Variants in PRDM15 observed in about 807,000 individuals in gnomAD.
PRDM15 encodes the protein PR domain zinc finger protein 15.
In PRDM15, 64 loss-of-function variants were observed where a neutral mutation model predicts 128.6. That is an observed-to-expected ratio of 0.50 (90% CI 0.41 to 0.61). The LOEUF is 0.61. Ranked by LOEUF, PRDM15 falls within the 20% of genes least tolerant of loss-of-function variation. The pLI is 0.00. For missense variants in PRDM15, 1,242 were observed against 1,569.1 expected (o/e 0.79, Z 3.52); for synonymous variants, 615 against 621.8 (o/e 0.99, Z 0.16).
intron 5 of PRDM15, among the ~76,000 whole-genome samples, chr21:41,851,222 C>T (rs2063418618): frequency 6.6e-6 from 1 of 152,232 alleles, no homozygotes; most frequent in African/African-American, 2.4e-5. Flanking sequence ...TGGGATTACG[C>T]AGTTACCCTA....
At chr21:41,835,040 C>T (rs190244764) in intron 11 of PRDM15, among the ~76,000 whole-genome samples, 9 of 152,324 alleles carry the variant, frequency 5.9e-5, no homozygotes, top group African/African-American at 2.2e-4. Context: ...TTAGGAACAA[C>T]CTTTGCAAGC....
In PRDM15 at chr21:41,874,521, A is replaced by ATTTTT. The variant is rs1336105383; in HGVS notation, c.-10+4748_-10+4749insAAAAA. The stretch of plus-strand genomic sequence containing the variant: ...AGCATGCATATATATATATATATAT[A>ATTTTT]TATATTTTTTTTTTTTTTTGAAACT... On this transcript the variant is annotated intron_variant, in intron 1 of 23. Transcript: ENST00000398548. Among the ~76,000 whole-genome samples the ATTTTT allele has an allele frequency of 7.8e-3, 372 of 47,882 alleles. 2 individuals carry two copies. Among genetic ancestry groups the ATTTTT allele is most frequent in the South Asian group, 0.014 (16 of 1,166 alleles). The allele number at this position is 47,882 out of a possible 152,430, so 31.4% of individuals were successfully genotyped here.
Position 41,859,188 on chromosome 21 carries a change from GC to G in PRDM15, c.131+403del, listed in dbSNP as rs760354939. 4 of 1,614,008 alleles carry G rather than the reference GC, an allele frequency of 2.5e-6. No homozygotes were observed. In the East Asian group the frequency reaches 8.9e-5, roughly 36 times the overall value. On this transcript the variant is annotated intron_variant, in intron 3 of 23. Coordinates refer to ENST00000398548, the MANE Select transcript of PRDM15 (RefSeq NM_001040424.3). This position sits in a 1 kb window ranked among gnomAD's most constrained non-coding sequence, Gnocchi z 5.3. ...CTGTCCTCATAACCCCGCATCCCCT[GC>G]CCCGCCTGGGTGTGCACGTGTCCGC...
intron 10 of PRDM15, 138 bp downstream of exon 10, chr21:41,835,963 GCCCCCGCCCACT>G: frequency 8.6e-6 from 1 of 115,682 alleles, no homozygotes; most frequent in Non-Finnish European, 1.7e-5. Context: ...CTCCCCCACA[GCCCCCGCCCACT>G]CTCCTCCCTC....
intron 19 of PRDM15, chr21:41,812,918 C>T (rs933314460): frequency 6.6e-6 from 1 of 152,208 alleles, no homozygotes; most frequent in Admixed American, 6.5e-5. Flanking sequence ...GACCCGTGTT[C>T]CCCGGAGCGA....
Position 41,819,562 on chromosome 21 carries a change from T to G in PRDM15, c.2260+20A>C, listed in dbSNP as rs1406115183. On this transcript the variant is annotated intron_variant, in intron 18 of 23. Coordinates refer to ENST00000398548, the MANE Select transcript of PRDM15 (RefSeq NM_001040424.3). ...GTGGCCTGGCTGAGCCTGGCCCATG[T>G]CCCCAGCACCCGTACCCACCTTTCC... The G allele has an allele frequency of 1.4e-5, 22 of 1,591,078 alleles. No individual in the cohort carries two copies. The highest frequency in any genetic ancestry group is 1.9e-5 in the Non-Finnish European group (22 of 1,168,390).
In PRDM15 at chr21:41,801,104, G is replaced by A; in HGVS notation, c.*136C>T. On this transcript the variant is annotated 3_prime_UTR_variant, in exon 24 of 24. Coordinates refer to ENST00000398548, the MANE Select transcript of PRDM15 (RefSeq NM_001040424.3). ...CGTAATGGTTGCTGGCGGGGGATCT[G>A]GAGATACTCTGCAAAGCTAAGTCAA... 7.9e-7 allele frequency: 1 copy of A among 1,268,954 alleles called. No homozygotes were observed. The highest frequency in any genetic ancestry group is 1.5e-5 in the South Asian group (1 of 64,798). The allele number at this position is 1,268,954 out of a possible 1,614,324, so 78.6% of individuals were successfully genotyped here. A position where few individuals can be genotyped will look rare whatever the true frequency, so the allele number is the denominator to read the frequency against.
rs1179584604 is a variant in PRDM15, at chr21:41,846,678, C to T, written c.640+412G>A. On this transcript the variant is annotated intron_variant, in intron 6 of 23. Coordinates refer to ENST00000398548, the MANE Select transcript of PRDM15 (RefSeq NM_001040424.3). ...TGCCACTGCACTCCAGCCTGGACAACAGAGCCAGACCTTGTCTCAAAAAAA... is the reference window on the plus strand; with the variant it reads ...TGCCACTGCACTCCAGCCTGGACAATAGAGCCAGACCTTGTCTCAAAAAAA... 2.0e-5 allele frequency among the ~76,000 whole-genome samples: 3 copies of T among 152,350 alleles called. No homozygotes were observed. The East Asian group carries it at 5.8e-4, about 29-fold the overall frequency.
At chr21:41,842,064 A>G (rs939926343) in intron 6 of PRDM15, among the ~76,000 whole-genome samples, 1 of 152,248 alleles carries the variant, frequency 6.6e-6, no homozygotes, top group Non-Finnish European at 1.5e-5. Context: ...ACAGAATGAA[A>G]AGTATAAAAA....
intron 21 of PRDM15, among the ~76,000 whole-genome samples, chr21:41,806,936 TCACCAC>T (rs1221700506): frequency 7.4e-6 from 1 of 135,396 alleles, no homozygotes; most frequent in Non-Finnish European, 1.6e-5. Context: ...ACTATCACCA[TCACCAC>T]CACCATCTCC....
At chr21:41,844,061 A>T (rs2063156047) in intron 6 of PRDM15, among the ~76,000 whole-genome samples, 1 of 151,980 alleles carries the variant, frequency 6.6e-6, no homozygotes, top group South Asian at 2.1e-4. Context: ...GTCAAATTTG[A>T]TTCTAAAACT....
chr21:41,861,797 T>G, intron 1 of PRDM15: 9 of 1,598,346 alleles, frequency 5.6e-6, no homozygotes, highest in Non-Finnish European at 7.7e-6. Context: ...GAGAGTGAGT[T>G]AGCTACAAGG....
intron 18 of PRDM15, among the ~76,000 whole-genome samples, chr21:41,818,408 C>T (rs1443570218): frequency 6.6e-6 from 1 of 152,036 alleles, no homozygotes; most frequent in Non-Finnish European, 1.5e-5. Context: ...CCTTCCAGAC[C>T]TGTTTGTATT....
chr21:41,829,196 C>T (rs947705370), intron 11 of PRDM15, among the ~76,000 whole-genome samples: 1 of 146,736 alleles, frequency 6.8e-6, no homozygotes, highest in African/African-American at 2.6e-5. Context: ...ACACCACACA[C>T]ACATACACAT....
rs28425646 is a variant in PRDM15 at position 41,827,950 on chromosome 21, C to T, written c.1534+216G>A. ...GGGTATTTCCAGCTGTTTCTCCTTG[C>T]GCACAGCAGGTCTGACACCTGTGTC... On this transcript the variant is annotated intron_variant, in intron 12 of 23. Coordinates refer to ENST00000398548, the MANE Select transcript of PRDM15 (RefSeq NM_001040424.3). Among the ~76,000 whole-genome samples the T allele has an allele frequency of 1.8e-3, 278 of 152,268 alleles. 3 individuals are homozygous for T. Among genetic ancestry groups the T allele is most frequent in the South Asian group, 1.9e-3 (9 of 4,822 alleles).
At chr21:41,815,971 T>C in intron 18 of PRDM15, 135 bp from the exon 19 acceptor site, 1 of 1,077,858 alleles carries the variant, frequency 9.3e-7, no homozygotes, top group Non-Finnish European at 1.3e-6. Context: ...CCCCCGAGGA[T>C]CCCGGTCAGT....
At chr21:41,839,901 C>G (rs115995878) in intron 6 of PRDM15, 48 bp from the exon 7 acceptor site, 5 of 1,505,214 alleles carry the variant, frequency 3.3e-6, no homozygotes, top group Admixed American at 3.4e-5. Context: ...AGCCTGCCAC[C>G]GTCCACACCC....
At chr21:41,838,140 G>A (rs1182960394) in intron 7 of PRDM15, 77 bp from the exon 8 acceptor site, 2 of 1,497,394 alleles carry the variant, frequency 1.3e-6, no homozygotes, top group African/African-American at 1.4e-5. Flanking sequence ...GTGACACACT[G>A]CCCCATGGGA....
At chr21:41,844,079 C>G (rs2063156226) in intron 6 of PRDM15, among the ~76,000 whole-genome samples, 1 of 151,958 alleles carries the variant, frequency 6.6e-6, no homozygotes, top group African/African-American at 2.4e-5. Flanking sequence ...ACTACAAAAC[C>G]TCTTCAATAG....
Sources: gnomAD v4.1 joint callset for allele counts (sites outside exome capture counted in the v4.1 genomes callset) on GRCh38, gnomAD v4.1.1 for gene constraint, Gnocchi (gnomAD v3.1) non-coding constraint, MANE v1.5 for transcripts, NCBI Gene and HGNC (gene_info 2026-07-23, HGNC 2026-07-21) for gene names.